COL18A1: variants seen among roughly 807,000 people sequenced by gnomAD.
COL18A1 encodes the protein collagen alpha-1(XVIII) chain.
COL18A1 carries 133 observed loss-of-function variants against 168.0 expected under a neutral mutation model. The ratio of observed to expected loss-of-function variants is 0.79; its 90% CI spans 0.69 to 0.91. The LOEUF (loss-of-function observed/expected upper bound fraction) is 0.91, where lower values mean the gene tolerates loss of function less well. Among genes scored for constraint, COL18A1 ranks in the 40% least tolerant of loss-of-function variants. The pLI is 0.00. For synonymous variants in COL18A1, 949 were observed against 809.0 expected (o/e 1.17, Z -2.94); for missense variants, 2,126 against 1,925.4 (o/e 1.10, Z -1.95).
intron 32 of COL18A1, among the ~76,000 whole-genome samples, chr21:45,500,696 G>T (rs1161702257): frequency 2.8e-5 from 1 of 35,152 alleles, no homozygotes; most frequent in Non-Finnish European, 6.5e-5. Context: ...GGTTTGGTGT[G>T]TGTGTGTTGG....
intron 14 of COL18A1, 44 bp downstream of exon 14, chr21:45,482,069 C>T: frequency 6.6e-7 from 1 of 1,509,014 alleles, no homozygotes; most frequent in East Asian, 2.3e-5. Context: ...ACCAGCACCA[C>T]ACCATGTGGC....
chr21:45,459,037 G>T (rs898123431), intron 2 of COL18A1, among the ~76,000 whole-genome samples: 3 of 152,212 alleles, frequency 2.0e-5, no homozygotes, highest in African/African-American at 7.2e-5. Context: ...TAGCGTCCCC[G>T]TGCGAGGGAG....
rs986577979 is a variant in COL18A1 at position 45,480,456 on chromosome 21, C to G, written c.1399-11C>G. The G allele has an allele frequency of 6.2e-7, 1 of 1,614,018 alleles. No individual in the cohort carries two copies. The highest frequency in any genetic ancestry group is 8.5e-7 in the Non-Finnish European group (1 of 1,180,034). ...CTCAGGGCAACGTGTCTCTCCGGCT[C>G]TTTTCCTCAGACCTTCATTGACATG... is the stretch of plus-strand genomic sequence containing the variant. On this transcript the variant is annotated splice_polypyrimidine_tract_variant and intron_variant, in intron 11 of 41. Coordinates refer to ENST00000651438, the MANE Select transcript of COL18A1 (RefSeq NM_001379500.1).
At chr21:45,497,799 A>C (rs2146016299) in intron 32 of COL18A1, 138 bp downstream of exon 32, 3 of 1,243,724 alleles carry the variant, frequency 2.4e-6, no homozygotes, top group East Asian at 5.1e-5. Flanking sequence ...GGGAGGAAGG[A>C]AGCCCCTTCT....
At chr21:45,420,027 G>T (rs2033570261) in intron 2 of COL18A1, 1 of 152,264 alleles carries the variant, frequency 6.6e-6, no homozygotes, top group South Asian at 2.1e-4. Flanking sequence ...GGACAACAAT[G>T]AAGTTGAGAT....
chr21:45,504,682 C>T lies in COL18A1; in HGVS notation c.2868+126C>T, dbSNP rs117560531. ...GCTGCCCCTGCAAGCTCAGCAGCCC[C>T]GACATGTCCCTGTCCCCGTGTGGGG... is the stretch of plus-strand genomic sequence containing the variant. On this transcript the variant is annotated intron_variant, in intron 34 of 41. Transcript: ENST00000651438. 9.0e-3 allele frequency: 7,241 copies of T among 803,622 alleles called. 53 individuals are homozygous for T. The highest frequency in any genetic ancestry group is 0.012 in the Middle Eastern group (33 of 2,778). 49.8% of individuals were successfully genotyped at this position (803,622 alleles called of 1,614,324 possible).
intron 9 of COL18A1, 65 bp from the exon 10 acceptor site, chr21:45,479,837 G>GA: frequency 6.2e-7 from 1 of 1,602,814 alleles, no homozygotes; most frequent in Non-Finnish European, 8.5e-7. Context: ...GAGGAGCACT[G>GA]AGAGTGCTGG....
Position 45,498,385 on chromosome 21 carries a change from G to T in COL18A1, c.2683+724G>T. On this transcript the variant is annotated intron_variant, in intron 32 of 41. Coordinates refer to ENST00000651438, the MANE Select transcript of COL18A1 (RefSeq NM_001379500.1). The surrounding 1 kb of genome is among the most constrained non-coding windows in gnomAD (Gnocchi z 4.5). The stretch of plus-strand genomic sequence containing the variant: ...CTCGCCACCACGGTCCCCTCTCGCC[G>T]CCAGGGTCCCCTCTCGCCGCCAGGG... The T allele has an allele frequency of 1.5e-6, 1 of 657,300 alleles. No individual in the cohort carries two copies. Among genetic ancestry groups the T allele is most frequent in the Non-Finnish European group, 2.8e-6 (1 of 355,746 alleles). 40.7% of individuals were successfully genotyped at this position (657,300 alleles called of 1,614,324 possible).
chr21:45,479,474 C>T (rs2035811603), intron 9 of COL18A1, among the ~76,000 whole-genome samples: 3 of 152,080 alleles, frequency 2.0e-5, no homozygotes, highest in African/African-American at 7.2e-5. Context: ...TGGATACACA[C>T]ATACACATAC....
In COL18A1 at chr21:45,455,333, G is replaced by A. The variant is rs561494555; in HGVS notation, c.107-12909G>A. Among the ~76,000 whole-genome samples the A allele has an allele frequency of 6.6e-5, 10 of 152,380 alleles. No homozygotes were observed. The South Asian group carries it at 2.1e-3, about 32-fold the overall frequency. On this transcript the variant is annotated intron_variant, in intron 2 of 41. Coordinates refer to ENST00000651438, the MANE Select transcript of COL18A1 (RefSeq NM_001379500.1). Reference sequence around the variant, plus strand: ...GGAAAGAAGTTATAAATCCTTGGGTGCTGGAACCCCCGGGTGCTGGGCACC... The same window carrying A: ...GGAAAGAAGTTATAAATCCTTGGGTACTGGAACCCCCGGGTGCTGGGCACC...
At position 45,453,398 on chromosome 21, in the gene COL18A1, T is replaced by A. The variant is rs139506967; in HGVS notation, c.107-14844T>A. 3.0e-4 allele frequency among the ~76,000 whole-genome samples: 45 copies of A among 152,302 alleles called. No individual in the cohort carries two copies. The East Asian group carries it at 8.7e-3, about 29-fold the overall frequency. On this transcript the variant is annotated intron_variant, in intron 2 of 41. Transcript: ENST00000651438. ...GTGAGCATACATATATGTGTGCATATGTGGGTGTTCGTGTGTGAGCATGTG... is the reference window on the plus strand; with the variant it reads ...GTGAGCATACATATATGTGTGCATAAGTGGGTGTTCGTGTGTGAGCATGTG...
chr21:45,448,842 A>T (rs1341357240), intron 2 of COL18A1, among the ~76,000 whole-genome samples: 1 of 152,040 alleles, frequency 6.6e-6, no homozygotes, highest in Non-Finnish European at 1.5e-5. Flanking sequence ...TAGTCTGTTG[A>T]CTCTGGAGCA....
chr21:45,459,700 G>A (rs1453627922), intron 2 of COL18A1, among the ~76,000 whole-genome samples: 1 of 152,230 alleles, frequency 6.6e-6, no homozygotes, highest in East Asian at 1.9e-4. Context: ...CACGAGGAAG[G>A]GAGTGAGGCC....
At position 45,476,339 on chromosome 21, in the gene COL18A1, C is replaced by T. The variant is rs533013046; in HGVS notation, c.799-12C>T. The T allele has an allele frequency of 2.5e-6, 4 of 1,613,898 alleles. No individual in the cohort carries two copies. The highest frequency in any genetic ancestry group is 2.7e-5 in the African/African-American group (2 of 75,068). On this transcript the variant is annotated splice_polypyrimidine_tract_variant and intron_variant, in intron 5 of 41. Coordinates refer to ENST00000651438, the MANE Select transcript of COL18A1 (RefSeq NM_001379500.1). The stretch of plus-strand genomic sequence containing the variant: ...GGCCGAATAACAGGCCACCTCCCCT[C>T]TCGTCCTCCAGGGCGCGGCCCTAAA...
chr21:45,495,958 A>G (rs1475370903), intron 29 of COL18A1: 1 of 328,868 alleles, frequency 3.0e-6, no homozygotes. Context: ...TCATGCACAC[A>G]TACATATACA....
At chr21:45,492,746 C>T (rs1295826616) in intron 24 of COL18A1, 33 bp downstream of exon 24, 2 of 1,541,240 alleles carry the variant, frequency 1.3e-6, no homozygotes, top group Admixed American at 1.7e-5. Flanking sequence ...TGCATGCTGC[C>T]CGGCTGGGGA....
At chr21:45,460,140 C>T (rs887213487) in intron 2 of COL18A1, among the ~76,000 whole-genome samples, 1 of 152,202 alleles carries the variant, frequency 6.6e-6, no homozygotes, top group African/African-American at 2.4e-5. Flanking sequence ...GGAGGAGGGC[C>T]CAGCAGCCTG....
chr21:45,437,463 C>CACAGGCACTCTCCTGCACACACACACAG lies in COL18A1; in HGVS notation c.107-30757_107-30756insACACAGACAGGCACTCTCCTGCACACAC, dbSNP rs2034174192. Among the ~76,000 whole-genome samples, 4 of 23,182 alleles carry CACAGGCACTCTCCTGCACACACACACAG rather than the reference C, an allele frequency of 1.7e-4. 1 individual carries two copies. Among genetic ancestry groups the CACAGGCACTCTCCTGCACACACACACAG allele is most frequent in the African/African-American group, 9.8e-4 (4 of 4,070 alleles). The allele number at this position is 23,182 out of a possible 152,430, so 15.2% of individuals were successfully genotyped here. ...ACACACACTCACTCACAGACAGACA[C>CACAGGCACTCTCCTGCACACACACACAG]ACAGGCACTCTCCTGCACACACTCA... is the stretch of plus-strand genomic sequence containing the variant. On this transcript the variant is annotated intron_variant, in intron 2 of 41. Transcript: ENST00000651438.
chr21:45,409,320 G>A (rs564159657), intron 2 of COL18A1, among the ~76,000 whole-genome samples: 18 of 152,312 alleles, frequency 1.2e-4, no homozygotes, highest in African/African-American at 4.1e-4. Flanking sequence ...CAGAATCCTG[G>A]GAAACTAAAA....
Sources: gnomAD v4.1 joint callset for allele counts (sites outside exome capture counted in the v4.1 genomes callset) on GRCh38, gnomAD v4.1.1 for gene constraint, Gnocchi (gnomAD v3.1) non-coding constraint, MANE v1.5 for transcripts, NCBI Gene and HGNC (gene_info 2026-07-23, HGNC 2026-07-21) for gene names.